DLGAP2: variants seen among roughly 807,000 people sequenced by gnomAD.
DLGAP2 encodes disks large-associated protein 2.
In DLGAP2, 26 loss-of-function variants were observed where a neutral mutation model predicts 100.3. The observed-to-expected ratio is 0.26, with a 90% CI of 0.19 to 0.36. DLGAP2 has a LOEUF of 0.36. Among genes scored for constraint, DLGAP2 ranks in the 10% least tolerant of loss-of-function variants. DLGAP2 has a pLI of 1.00. For synonymous variants in DLGAP2, 886 were observed against 630.1 expected (o/e 1.41, Z -6.08); for missense variants, 1,858 against 1,453.2 (o/e 1.28, Z -4.53).
chr8:1,596,628 G>A (rs1237904200), intron 6 of DLGAP2, among the ~76,000 whole-genome samples: 3 of 152,160 alleles, frequency 2.0e-5, no homozygotes, highest in South Asian at 4.1e-4. Flanking sequence ...GACCAGTGAT[G>A]ATGAGCTTTT....
intron 2 of DLGAP2, among the ~76,000 whole-genome samples, chr8:1,190,775 A>G (rs1221713167): frequency 1.3e-5 from 2 of 152,172 alleles, no homozygotes; most frequent in East Asian, 3.9e-4. Flanking sequence ...ACTAGAGCCC[A>G]GGTTCCAGGT....
chr8:1,024,575 G>C (rs545439585), intron 2 of DLGAP2, among the ~76,000 whole-genome samples: 2 of 152,300 alleles, frequency 1.3e-5, no homozygotes, highest in South Asian at 4.1e-4. Context: ...CTCTGTGGTG[G>C]GGGTGCCTCC....
At chr8:1,021,729 T>G (rs1801628060) in intron 2 of DLGAP2, among the ~76,000 whole-genome samples, 1 of 152,126 alleles carries the variant, frequency 6.6e-6, no homozygotes, top group African/African-American at 2.4e-5. Flanking sequence ...GGACCCAGTG[T>G]CTCCTCCCAC....
intron 3 of DLGAP2, among the ~76,000 whole-genome samples, chr8:1,392,439 G>A (rs968070421): frequency 1.3e-5 from 2 of 152,174 alleles, no homozygotes; most frequent in Non-Finnish European, 2.9e-5. Flanking sequence ...CTTGCTAATG[G>A]GAGGCAAACC....
intron 2 of DLGAP2, chr8:1,247,104 C>G: frequency 4.9e-6 from 1 of 204,806 alleles, no homozygotes; most frequent in Non-Finnish European, 9.7e-6. Context: ...CCGGCAAGAC[C>G]TTTGAGATCA....
intron 2 of DLGAP2, among the ~76,000 whole-genome samples, chr8:1,046,435 AGGGG>A (rs1195840941): frequency 2.6e-5 from 4 of 152,224 alleles, no homozygotes; most frequent in South Asian, 4.2e-4. Context: ...ATGACTTTGC[AGGGG>A]TGGATGTGTA....
chr8:1,327,194 A>T (rs536984194), intron 3 of DLGAP2, among the ~76,000 whole-genome samples: 1 of 152,288 alleles, frequency 6.6e-6, no homozygotes, highest in African/African-American at 2.4e-5. Context: ...GGACGTTAAC[A>T]CTGCTGTGTA....
Position 1,626,870 on chromosome 8 carries a change from G to A in DLGAP2, c.1573G>A (p.Ala525Thr). 6 of 1,603,916 alleles carry A rather than the reference G, an allele frequency of 3.7e-6. No individual in the cohort carries two copies. The highest frequency in any genetic ancestry group is 5.1e-6 in the Non-Finnish European group (6 of 1,175,508). The part of the protein sequence containing the change: ...YMRAVSTLSQ[A>T]SCVSQVSEAE... ...GAGGGCCGTCAGCACCCTGAGCCAG[G>A]CCAGCTGCGTGAGCCAGGTCAGGGT... The change falls in exon 7 of 15, where the codon GCC becomes ACC. Residue 525 changes from alanine to threonine, a missense_variant. Physicochemically the swap from Ala to Thr is moderately conservative, Grantham distance 58 (BLOSUM62 0). Transcript: ENST00000637795.
intron 8 of DLGAP2, among the ~76,000 whole-genome samples, chr8:1,665,154 T>C (rs1232322294): frequency 6.6e-6 from 1 of 152,004 alleles, no homozygotes; most frequent in Non-Finnish European, 1.5e-5. Flanking sequence ...GCCCCATACA[T>C]TTTTTTTAAT....
chr8:868,327 G>T (rs1462597202), intron 1 of DLGAP2, among the ~76,000 whole-genome samples: 1 of 152,136 alleles, frequency 6.6e-6, no homozygotes, highest in East Asian at 1.9e-4. Flanking sequence ...TCCTGTTCTT[G>T]TATCCACATG....
At chr8:1,568,008 C>G (rs976064466) in intron 6 of DLGAP2, among the ~76,000 whole-genome samples, 1 of 152,102 alleles carries the variant, frequency 6.6e-6, no homozygotes, top group Non-Finnish European at 1.5e-5. Flanking sequence ...CCGTGGACCC[C>G]CATGCCACTG....
intron 3 of DLGAP2, among the ~76,000 whole-genome samples, chr8:1,294,477 C>CA (rs894306752): frequency 2.6e-5 from 4 of 152,148 alleles, no homozygotes; most frequent in Non-Finnish European, 5.9e-5. Context: ...TTCTCACCGT[C>CA]ACGTTCTAAG....
intron 2 of DLGAP2, among the ~76,000 whole-genome samples, chr8:1,100,881 C>G (rs1804555926): frequency 6.6e-6 from 1 of 152,204 alleles, no homozygotes; most frequent in Non-Finnish European, 1.5e-5. Flanking sequence ...CTTAAAGCCA[C>G]TCATTTTAAC....
chr8:1,558,325 A>C (rs769833869), intron 5 of DLGAP2, among the ~76,000 whole-genome samples: 14 of 152,150 alleles, frequency 9.2e-5, no homozygotes, highest in Non-Finnish European at 1.9e-4. Context: ...ACAGGTTTGG[A>C]GATGGCCATA....
At chr8:1,164,887 G>A (rs1434880151) in intron 2 of DLGAP2, among the ~76,000 whole-genome samples, 1 of 152,094 alleles carries the variant, frequency 6.6e-6, no homozygotes, top group African/African-American at 2.4e-5. Context: ...TCTCACTCTT[G>A]ACCTCGTCTC....
At chr8:1,316,033 C>A (rs368126291) in intron 3 of DLGAP2, among the ~76,000 whole-genome samples, 374 of 90,974 alleles carry the variant, frequency 4.1e-3, no homozygotes, top group Middle Eastern at 0.019. Flanking sequence ...ACACTCGAGA[C>A]ACTTGGCAGC....
chr8:1,488,677 C>T lies in DLGAP2; in HGVS notation c.107-12689C>T, dbSNP rs535921045. 9.8e-5 allele frequency among the ~76,000 whole-genome samples: 15 copies of T among 152,310 alleles called. No individual in the cohort carries two copies. In the South Asian group the frequency reaches 1.7e-3, roughly 17 times the overall value. On this transcript the variant is annotated intron_variant, in intron 3 of 14. Coordinates refer to ENST00000637795, the MANE Select transcript of DLGAP2 (RefSeq NM_001346810.2). ...ATGCAGGTTCTCATCCATGCTGCCACGGAGTAGTTGTGGGATTTTAATTCT... is the reference window on the plus strand; with the variant it reads ...ATGCAGGTTCTCATCCATGCTGCCATGGAGTAGTTGTGGGATTTTAATTCT...
intron 2 of DLGAP2, among the ~76,000 whole-genome samples, chr8:1,145,200 C>T (rs1477033870): frequency 1.3e-5 from 2 of 152,106 alleles, no homozygotes; most frequent in Non-Finnish European, 2.9e-5. Flanking sequence ...TCCAGAAACA[C>T]AGCTTCCCTC....
chr8:1,628,285 A>G, intron 7 of DLGAP2, among the ~76,000 whole-genome samples: 1 of 144,932 alleles, frequency 6.9e-6, no homozygotes, highest in East Asian at 2.1e-4. Context: ...ATTCTCTCTG[A>G]CTTACTGTGG....
Sources: gnomAD v4.1 joint callset for allele counts (sites outside exome capture counted in the v4.1 genomes callset) on GRCh38, gnomAD v4.1.1 for gene constraint, MANE v1.5 for transcripts, NCBI Gene and HGNC (gene_info 2026-07-23, HGNC 2026-07-21) for gene names.